The following CFDP1 variants were observed in gnomAD, a reference collection of about 807,000 sequenced individuals.
The protein encoded by CFDP1 is heterochromatin-stabilizing protein CFDP1.
In CFDP1, 31 loss-of-function variants were observed where a neutral mutation model predicts 40.1. That is an observed-to-expected ratio of 0.77 (90% CI 0.58 to 1.04). CFDP1 has a LOEUF of 1.04. Among genes scored for constraint, CFDP1 ranks in the 50% least tolerant of loss-of-function variants. The pLI is 0.00. For synonymous variants in CFDP1, 167 were observed against 120.0 expected, an observed-to-expected ratio of 1.39 and a Z score of -2.56; for missense variants, 423 against 343.4, an observed-to-expected ratio of 1.23 and a Z score of -1.83.
At chr16:75,387,730 CAGTAAT>C (rs542922153) in intron 5 of CFDP1, among the ~76,000 whole-genome samples, 96 of 152,294 alleles carry the variant, frequency 6.3e-4, no homozygotes, top group Middle Eastern at 3.4e-3. Context: ...CCTCTGGAAA[CAGTAAT>C]AGCCATTATT....
chr16:75,414,566 A>T lies in CFDP1; in HGVS notation c.182+12T>A. Reference sequence around the variant, plus strand: ...AGCCCCTAACTTCTAAGGGCCTTGAAGGCAGCATCACCTGGCTGGAATGCT... The same window carrying T: ...AGCCCCTAACTTCTAAGGGCCTTGATGGCAGCATCACCTGGCTGGAATGCT... On this transcript the variant is annotated intron_variant, in intron 2 of 6. Transcript: ENST00000283882. 1 of 1,541,368 alleles carries T rather than the reference A, an allele frequency of 6.5e-7. No individual in the cohort carries two copies. Among genetic ancestry groups the T allele is most frequent in the Non-Finnish European group, 9.0e-7 (1 of 1,113,854 alleles).
At position 75,334,939 on chromosome 16, in the gene CFDP1, A is replaced by C. The variant is rs2078475413; in HGVS notation, c.651-29757T>G. Among the ~76,000 whole-genome samples, 2 of 151,522 alleles carry C rather than the reference A, an allele frequency of 1.3e-5. 1 individual carries two copies. The highest frequency in any genetic ancestry group is 2.9e-5 in the Non-Finnish European group (2 of 67,936). On this transcript the variant is annotated intron_variant, in intron 5 of 6. Coordinates refer to ENST00000283882, the MANE Select transcript of CFDP1 (RefSeq NM_006324.3). The stretch of plus-strand genomic sequence containing the variant: ...CACTGCATTCCAGCCTGGGCGACAA[A>C]GCGAGACACTCTGCCTCAAAAAAAA...
intron 5 of CFDP1, among the ~76,000 whole-genome samples, chr16:75,334,963 AAAAAAG>A (rs2078475905): frequency 6.6e-6 from 1 of 152,168 alleles, no homozygotes; most frequent in African/African-American, 2.4e-5. Flanking sequence ...CCTCAAAAAA[AAAAAAG>A]AAAAGAAAAA....
At chr16:75,342,757 G>C (rs540512376) in intron 5 of CFDP1, among the ~76,000 whole-genome samples, 1 of 152,344 alleles carries the variant, frequency 6.6e-6, no homozygotes, top group East Asian at 1.9e-4. Context: ...CCACAGGGCA[G>C]TGATTCTCAA....
intron 5 of CFDP1, chr16:75,324,619 G>C (rs1207504313): frequency 6.6e-6 from 1 of 151,828 alleles, no homozygotes; most frequent in Non-Finnish European, 1.5e-5. Flanking sequence ...GCAGGCTCCT[G>C]GTAATCTCAG....
At chr16:75,338,626 A>AC (rs2078506687) in intron 5 of CFDP1, among the ~76,000 whole-genome samples, 2 of 152,030 alleles carry the variant, frequency 1.3e-5, no homozygotes, top group Non-Finnish European at 2.9e-5. Flanking sequence ...AGGGTTACTG[A>AC]CCTAATGCAT....
intron 5 of CFDP1, among the ~76,000 whole-genome samples, chr16:75,358,538 G>A (rs1026275052): frequency 7.2e-5 from 11 of 152,070 alleles, no homozygotes; most frequent in African/African-American, 2.7e-4. Flanking sequence ...GAAAATGAAA[G>A]TGATCATAAA....
chr16:75,351,317 C>T (rs2078608791), intron 5 of CFDP1, among the ~76,000 whole-genome samples: 1 of 152,206 alleles, frequency 6.6e-6, no homozygotes, highest in African/African-American at 2.4e-5. Flanking sequence ...AACTGGCATT[C>T]TTATCCCTAA....
intron 5 of CFDP1, among the ~76,000 whole-genome samples, chr16:75,322,970 A>G (rs979735444): frequency 6.6e-6 from 1 of 152,194 alleles, no homozygotes; most frequent in Non-Finnish European, 1.5e-5. Context: ...ATTACTGCAC[A>G]CTACTGTGGA....
chr16:75,309,751 C>T (rs531847312), intron 5 of CFDP1, among the ~76,000 whole-genome samples: 9 of 125,210 alleles, frequency 7.2e-5, no homozygotes, highest in Non-Finnish European at 1.1e-4. Context: ...ACCCAGGAGG[C>T]GGAGCTTGCA....
chr16:75,418,498 A>T (rs2079236875), intron 1 of CFDP1, among the ~76,000 whole-genome samples: 1 of 151,682 alleles, frequency 6.6e-6, no homozygotes, highest in South Asian at 2.1e-4. Context: ...TTTAGTAGAG[A>T]TGGGGTTTCA....
chr16:75,428,408 G>A (rs2079366545), intron 1 of CFDP1, among the ~76,000 whole-genome samples: 2 of 152,108 alleles, frequency 1.3e-5, no homozygotes, highest in Non-Finnish European at 2.9e-5. Context: ...AAGGTCAGGA[G>A]ATCGAGACCA....
chr16:75,308,893 C>T (rs2078275526), intron 5 of CFDP1, among the ~76,000 whole-genome samples: 1 of 152,174 alleles, frequency 6.6e-6, no homozygotes, highest in South Asian at 2.1e-4. Context: ...AACCATAATA[C>T]CCCTTTGCCT....
intron 1 of CFDP1, among the ~76,000 whole-genome samples, chr16:75,422,143 C>G (rs941194797): frequency 2.0e-5 from 3 of 152,126 alleles, no homozygotes; most frequent in East Asian, 1.9e-4. Flanking sequence ...TTTGCCCAGG[C>G]TGGAGTGCAA....
At chr16:75,308,923 G>C (rs760569045) in intron 5 of CFDP1, among the ~76,000 whole-genome samples, 39 of 152,218 alleles carry the variant, frequency 2.6e-4, no homozygotes, top group Non-Finnish European at 5.4e-4. Flanking sequence ...TTAAACATCA[G>C]TAAAATGTCA....
At chr16:75,368,399 A>G (rs955110586) in intron 5 of CFDP1, among the ~76,000 whole-genome samples, 2 of 152,216 alleles carry the variant, frequency 1.3e-5, no homozygotes. Flanking sequence ...GAGAGCTATC[A>G]TAGATGATGT....
intron 5 of CFDP1, among the ~76,000 whole-genome samples, chr16:75,343,477 A>G (rs2078540654): frequency 6.6e-6 from 1 of 152,212 alleles, no homozygotes; most frequent in Admixed American, 6.5e-5. Flanking sequence ...TAGATGAGAA[A>G]CAAACACTAA....
intron 5 of CFDP1, among the ~76,000 whole-genome samples, chr16:75,310,714 C>T (rs1327216339): frequency 6.6e-6 from 1 of 152,104 alleles, no homozygotes; most frequent in Non-Finnish European, 1.5e-5. Context: ...CAGCAATGCC[C>T]GGGATCCTGC....
intron 5 of CFDP1, among the ~76,000 whole-genome samples, chr16:75,347,740 G>C (rs1480773614): frequency 6.6e-6 from 1 of 152,170 alleles, no homozygotes; most frequent in Non-Finnish European, 1.5e-5. Flanking sequence ...CTTTACAGTG[G>C]AGACATCTGA....
Sources: gnomAD v4.1 joint callset for allele counts (sites outside exome capture counted in the v4.1 genomes callset) on GRCh38, gnomAD v4.1.1 for gene constraint, MANE v1.5 for transcripts, NCBI Gene and HGNC (gene_info 2026-07-23, HGNC 2026-07-21) for gene names.